The following ROBO1 variants were observed in gnomAD, a reference collection of about 807,000 sequenced individuals.
ROBO1 encodes the protein roundabout guidance receptor 1.
In ROBO1, 149 loss-of-function variants were observed where a neutral mutation model predicts 195.9. That is an observed-to-expected ratio of 0.76 (90% CI 0.67 to 0.87). The LOEUF is 0.87. Among genes scored for constraint, ROBO1 ranks in the 40% least tolerant of loss-of-function variants. ROBO1 has a pLI of 0.00. For synonymous variants in ROBO1, 816 were observed against 733.2 expected, an observed-to-expected ratio of 1.11 and a Z score of -1.82; for missense variants, 1,933 against 2,068.3, an observed-to-expected ratio of 0.93 and a Z score of 1.27.
At chr3:79,501,843 A>G (rs1379640874) in intron 2 of ROBO1, among the ~76,000 whole-genome samples, 1 of 152,226 alleles carries the variant, frequency 6.6e-6, no homozygotes, top group African/African-American at 2.4e-5. Flanking sequence ...CCACTTATGA[A>G]TAACGGCCAG....
At chr3:78,665,540 T>C (rs535203550) in intron 14 of ROBO1, among the ~76,000 whole-genome samples, 2 of 152,334 alleles carry the variant, frequency 1.3e-5, no homozygotes, top group South Asian at 2.1e-4. Context: ...TTATTTGGCA[T>C]ACTAGCTGTC....
At chr3:79,578,178 G>A (rs775112245) in intron 2 of ROBO1, among the ~76,000 whole-genome samples, 1 of 151,994 alleles carries the variant, frequency 6.6e-6, no homozygotes, top group South Asian at 2.1e-4. Flanking sequence ...AGAGCAACAG[G>A]AACTTTTATA....
intron 1 of ROBO1, among the ~76,000 whole-genome samples, chr3:79,739,313 A>G (rs1703523368): frequency 6.6e-6 from 1 of 151,978 alleles, no homozygotes; most frequent in Non-Finnish European, 1.5e-5. Context: ...CCAAAATGAT[A>G]TCTGGAAAAT....
chr3:78,855,309 C>A (rs143012807), intron 4 of ROBO1, among the ~76,000 whole-genome samples: 10 of 152,254 alleles, frequency 6.6e-5, no homozygotes, highest in Admixed American at 6.5e-4. Context: ...TTCTGGTTCA[C>A]ATACTAATAC....
At chr3:78,764,395 C>T (rs1258818601) in intron 4 of ROBO1, among the ~76,000 whole-genome samples, 4 of 152,112 alleles carry the variant, frequency 2.6e-5, no homozygotes, top group African/African-American at 9.7e-5. Flanking sequence ...CCACTGACTA[C>T]TTGAACAGAT....
chr3:78,786,340 GT>G (rs1164228897), intron 4 of ROBO1, among the ~76,000 whole-genome samples: 1 of 152,094 alleles, frequency 6.6e-6, no homozygotes, highest in Non-Finnish European at 1.5e-5. Flanking sequence ...TATAAAACAA[GT>G]TTCAGTAAAT....
chr3:79,185,943 G>A (rs976549414), intron 2 of ROBO1, among the ~76,000 whole-genome samples: 2 of 151,890 alleles, frequency 1.3e-5, no homozygotes, highest in Non-Finnish European at 2.9e-5. Flanking sequence ...CTTTTCACCT[G>A]ACCTCCAAGT....
At chr3:78,675,061 G>T (rs527266479) in intron 10 of ROBO1, among the ~76,000 whole-genome samples, 28 of 152,038 alleles carry the variant, frequency 1.8e-4, no homozygotes, top group African/African-American at 6.5e-4. Context: ...CATATACAGA[G>T]GTAAGAGTTT....
At chr3:78,781,008 A>T (rs2083660503) in intron 4 of ROBO1, among the ~76,000 whole-genome samples, 1 of 152,072 alleles carries the variant, frequency 6.6e-6, no homozygotes, top group South Asian at 2.1e-4. Flanking sequence ...TTCTACCAAA[A>T]CCTAAACAAA....
chr3:79,417,125 T>C (rs889113070), intron 2 of ROBO1, among the ~76,000 whole-genome samples: 9 of 152,168 alleles, frequency 5.9e-5, no homozygotes, highest in African/African-American at 2.2e-4. Flanking sequence ...TTAATTTCCA[T>C]CCTCTTGATT....
intron 2 of ROBO1, among the ~76,000 whole-genome samples, chr3:79,189,002 T>C (rs900203745): frequency 6.6e-6 from 1 of 151,712 alleles, no homozygotes; most frequent in African/African-American, 2.4e-5. Context: ...TCTGTGAACC[T>C]GAAAGTGCAA....
At chr3:79,019,795 C>T (rs181130803) in intron 3 of ROBO1, among the ~76,000 whole-genome samples, 2 of 152,188 alleles carry the variant, frequency 1.3e-5, no homozygotes, top group East Asian at 1.9e-4. Flanking sequence ...TTAACCTCTT[C>T]CTTGCCGCTT....
intron 1 of ROBO1, among the ~76,000 whole-genome samples, chr3:79,618,354 C>T (rs1205572050): frequency 6.6e-6 from 1 of 152,098 alleles, no homozygotes; most frequent in African/African-American, 2.4e-5. Context: ...ATCCAGATGG[C>T]CTGAAGCAAC....
At chr3:78,982,386 CAG>C (rs1406389190) in intron 3 of ROBO1, among the ~76,000 whole-genome samples, 1 of 152,144 alleles carries the variant, frequency 6.6e-6, no homozygotes, top group Non-Finnish European at 1.5e-5. Context: ...AGTGAAGCTT[CAG>C]AGAGGACAGG....
At chr3:79,241,435 AT>A (rs773807385) in intron 2 of ROBO1, among the ~76,000 whole-genome samples, 35 of 152,180 alleles carry the variant, frequency 2.3e-4, no homozygotes, top group Non-Finnish European at 4.4e-4. Context: ...AAAGAAAAAA[AT>A]AAATTCTTTT....
At chr3:78,681,938 C>T (rs1324880677) in intron 10 of ROBO1, among the ~76,000 whole-genome samples, 3 of 151,968 alleles carry the variant, frequency 2.0e-5, no homozygotes, top group African/African-American at 7.3e-5. Flanking sequence ...GATTAGGGCA[C>T]GTGAGCAACA....
At chr3:79,587,314 C>T (rs1384495719) in intron 2 of ROBO1, among the ~76,000 whole-genome samples, 1 of 151,718 alleles carries the variant, frequency 6.6e-6, no homozygotes, top group Non-Finnish European at 1.5e-5. Context: ...GTAACCTAGC[C>T]ACAGCTTGAA....
At chr3:79,470,711 T>C (rs1464724909) in intron 2 of ROBO1, among the ~76,000 whole-genome samples, 1 of 151,994 alleles carries the variant, frequency 6.6e-6, no homozygotes, top group Non-Finnish European at 1.5e-5. Flanking sequence ...TTATAAGTGG[T>C]AAAAGAGAGC....
At chr3:79,578,526 A>G (rs1436422046) in intron 2 of ROBO1, among the ~76,000 whole-genome samples, 1 of 152,176 alleles carries the variant, frequency 6.6e-6, no homozygotes, top group African/African-American at 2.4e-5. Context: ...ATTATGTTTT[A>G]TTACAGTTTT....
Sources: allele counts gnomAD v4.1 joint callset (sites outside exome capture counted in the v4.1 genomes callset), GRCh38; gene constraint gnomAD v4.1.1; transcripts MANE v1.5; gene names NCBI Gene and HGNC (gene_info 2026-07-23, HGNC 2026-07-21).